CACNB4: variants seen among roughly 807,000 people sequenced by gnomAD.
The protein encoded by CACNB4 is calcium voltage-gated channel auxiliary subunit beta 4.
In CACNB4, 32 loss-of-function variants were observed where a neutral mutation model predicts 71.2. The observed-to-expected ratio is 0.45, with a 90% CI of 0.34 to 0.60. The LOEUF (loss-of-function observed/expected upper bound fraction) is 0.60. Ranked by LOEUF, CACNB4 falls within the 20% of genes least tolerant of loss-of-function variation. The pLI, the probability that CACNB4 is intolerant of heterozygous loss-of-function variation, is 0.01. For synonymous variants in CACNB4, 231 were observed against 236.9 expected, an observed-to-expected ratio of 0.97 and a Z score of 0.23; for missense variants, 464 against 647.9, an observed-to-expected ratio of 0.72 and a Z score of 3.08.
At chr2:151,878,497 C>G (rs75162469) in intron 4 of CACNB4, among the ~76,000 whole-genome samples, 15,086 of 149,450 alleles carry the variant, frequency 0.1, 1,557 homozygotes, top group East Asian at 0.56. Context: ...GTAAGAGGAT[C>G]AGTTGAGGCC....
chr2:152,087,630 A>G (rs1366041021), intron 2 of CACNB4, among the ~76,000 whole-genome samples: 11 of 152,084 alleles, frequency 7.2e-5, no homozygotes, highest in Non-Finnish European at 8.8e-5. Context: ...ACCAGGGGCT[A>G]TAACTGAAAC....
intron 2 of CACNB4, among the ~76,000 whole-genome samples, chr2:151,886,547 A>C (rs2099849415): frequency 6.6e-6 from 1 of 151,978 alleles, no homozygotes; most frequent in Non-Finnish European, 1.5e-5. Context: ...AATCTAATAA[A>C]CTCTACTATG....
In CACNB4 at chr2:151,875,057, G is replaced by A. The variant is rs112969071; in HGVS notation, c.521+1369C>T. On this transcript the variant is annotated intron_variant, in intron 5 of 13. Transcript: ENST00000539935. ...TATTGATCATTCTTGGGTGTTTCTC[G>A]CAGAGGGGGATTTGGCAGGGTCACA... The A allele has an allele frequency of 7.9e-4, 312 of 392,678 alleles. 1 individual carries two copies. Among genetic ancestry groups the A allele is most frequent in the African/African-American group, 5.8e-3 (281 of 48,268 alleles). 24.3% of individuals were successfully genotyped at this position (392,678 alleles called of 1,614,324 possible).
chr2:151,852,753 T>C (rs2151350380), intron 12 of CACNB4: 1 of 152,322 alleles, frequency 6.6e-6, no homozygotes, highest in East Asian at 1.9e-4. Flanking sequence ...TAAAACAATC[T>C]AGTGAATCCA....
intron 2 of CACNB4, among the ~76,000 whole-genome samples, chr2:151,929,659 A>G (rs908865311): frequency 6.6e-6 from 1 of 152,232 alleles, no homozygotes; most frequent in Non-Finnish European, 1.5e-5. Flanking sequence ...CAAGAGCATC[A>G]ACTAAAAAAA....
At chr2:151,875,476 G>A (rs569070728) in intron 5 of CACNB4, among the ~76,000 whole-genome samples, 3 of 152,058 alleles carry the variant, frequency 2.0e-5, no homozygotes, top group Middle Eastern at 3.4e-3. Flanking sequence ...AACCGCCATC[G>A]TCATCATGGC....
intron 2 of CACNB4, among the ~76,000 whole-genome samples, chr2:151,952,290 T>G (rs922297677): frequency 2.0e-5 from 3 of 152,176 alleles, no homozygotes; most frequent in African/African-American, 4.8e-5. Flanking sequence ...ATAGAAAGCC[T>G]ACAATGGGGA....
intron 2 of CACNB4, among the ~76,000 whole-genome samples, chr2:152,093,924 C>CAG (rs1217052697): frequency 6.6e-6 from 1 of 152,228 alleles, no homozygotes; most frequent in Non-Finnish European, 1.5e-5. Context: ...AATGTTGGAG[C>CAG]AGAACCTCAT....
intron 2 of CACNB4, among the ~76,000 whole-genome samples, chr2:152,049,299 G>T (rs992859550): frequency 3.3e-5 from 5 of 151,942 alleles, no homozygotes; most frequent in Non-Finnish European, 5.9e-5. Flanking sequence ...CAGGTAGCTG[G>T]GATTACAGGT....
intron 2 of CACNB4, among the ~76,000 whole-genome samples, chr2:152,097,521 C>T (rs16830686): frequency 0.07 from 10,705 of 152,176 alleles, 1,166 homozygotes; most frequent in East Asian, 0.54. Flanking sequence ...CTCTCTAGCA[C>T]CCAGCAGCCA....
At chr2:151,875,610 G>C (rs537626305) in intron 5 of CACNB4, among the ~76,000 whole-genome samples, 2 of 145,344 alleles carry the variant, frequency 1.4e-5, no homozygotes, top group African/African-American at 2.7e-5. Flanking sequence ...GGGGCGGCTC[G>C]CCAGGCAGGG....
intron 9 of CACNB4, among the ~76,000 whole-genome samples, chr2:151,864,219 A>C (rs578250990): frequency 6.6e-6 from 1 of 152,182 alleles, no homozygotes; most frequent in Non-Finnish European, 1.5e-5. Flanking sequence ...GCTGGCCAGT[A>C]GGTAAAAGAC....
chr2:152,030,322 AT>A (rs1324369870), intron 2 of CACNB4, among the ~76,000 whole-genome samples: 5 of 152,222 alleles, frequency 3.3e-5, no homozygotes, highest in Admixed American at 6.5e-5. Flanking sequence ...TTATGTTTAC[AT>A]TTTTTCATCA....
chr2:151,964,757 G>A (rs968898230), intron 2 of CACNB4, among the ~76,000 whole-genome samples: 3 of 152,194 alleles, frequency 2.0e-5, no homozygotes, highest in Non-Finnish European at 4.4e-5. Flanking sequence ...TATGCATTAT[G>A]TTTTACGTAC....
chr2:152,035,651 C>CTCTATATATATA (rs796161186), intron 2 of CACNB4, among the ~76,000 whole-genome samples: 17 of 118,076 alleles, frequency 1.4e-4, no homozygotes, highest in African/African-American at 3.6e-4. Context: ...CTCTCTCTCT[C>CTCTATATATATA]TATATATATA....
rs1455195264 is a variant in CACNB4, at chr2:151,834,419, A to C, written c.*4700T>G. On this transcript the variant is annotated 3_prime_UTR_variant, in exon 14 of 14. Coordinates refer to ENST00000539935, the MANE Select transcript of CACNB4 (RefSeq NM_000726.5). ...ATGGCAAGTAGAAGTTACAGCCCTTAGGATTATCTGATGAGATACTTTCTA... is the reference window on the plus strand; with the variant it reads ...ATGGCAAGTAGAAGTTACAGCCCTTCGGATTATCTGATGAGATACTTTCTA... 5 of 152,150 alleles carry C rather than the reference A, an allele frequency of 3.3e-5. No homozygotes were observed. Among genetic ancestry groups the C allele is most frequent in the Non-Finnish European group, 1.5e-5 (1 of 67,850 alleles). 9.4% of individuals were successfully genotyped at this position (152,150 alleles called of 1,614,324 possible). A position where few individuals can be genotyped will look rare whatever the true frequency, so the allele number is the denominator to read the frequency against.
chr2:151,976,501 A>G (rs990110559), intron 2 of CACNB4, among the ~76,000 whole-genome samples: 4 of 152,144 alleles, frequency 2.6e-5, no homozygotes, highest in Admixed American at 2.6e-4. Context: ...AAATTATCCC[A>G]TCAGAAGTCA....
At chr2:152,051,604 A>G (rs1462676916) in intron 2 of CACNB4, among the ~76,000 whole-genome samples, 1 of 152,200 alleles carries the variant, frequency 6.6e-6, no homozygotes, top group Non-Finnish European at 1.5e-5. Flanking sequence ...TGAGGATGTG[A>G]AAGTACAAGA....
At chr2:152,002,767 T>A (rs1407340080) in intron 2 of CACNB4, among the ~76,000 whole-genome samples, 1 of 152,246 alleles carries the variant, frequency 6.6e-6, no homozygotes, top group African/African-American at 2.4e-5. Context: ...TACAGCAGCA[T>A]CAAAATGAGC....
Sources: gnomAD v4.1 joint callset for allele counts (sites outside exome capture counted in the v4.1 genomes callset) on GRCh38, gnomAD v4.1.1 for gene constraint, MANE v1.5 for transcripts, NCBI Gene and HGNC (gene_info 2026-07-23, HGNC 2026-07-21) for gene names.